Variants in KCNN2 observed in about 807,000 individuals in gnomAD.
KCNN2 encodes small conductance calcium-activated potassium channel protein 2.
In KCNN2, 24 loss-of-function variants were observed where a neutral mutation model predicts 55.5. That is an observed-to-expected ratio of 0.43 (90% CI 0.31 to 0.61). The LOEUF is 0.61. Among genes scored for constraint, KCNN2 ranks in the 20% least tolerant of loss-of-function variants. The pLI is 0.08. For synonymous variants in KCNN2, 431 were observed against 336.1 expected (o/e 1.28, Z -3.09); for missense variants, 754 against 853.6 (o/e 0.88, Z 1.45).
At chr5:114,495,783 C>A (rs1181734542) in intron 7 of KCNN2, 112 bp from the exon 8 acceptor site, 5 of 939,412 alleles carry the variant, frequency 5.3e-6, no homozygotes, top group Non-Finnish European at 8.3e-6. Context: ...TTAGCTGACA[C>A]CCCTGTTACA....
At chr5:114,238,602 G>A (rs13159883) in intron 2 of KCNN2, among the ~76,000 whole-genome samples, 1 of 151,322 alleles carries the variant, frequency 6.6e-6, no homozygotes, top group Non-Finnish European at 1.5e-5. Flanking sequence ...CTCCAGTCTG[G>A]GTGACAGAGT....
At chr5:114,081,286 A>G (rs1454438100) in intron 1 of KCNN2, among the ~76,000 whole-genome samples, 1 of 152,110 alleles carries the variant, frequency 6.6e-6, no homozygotes, top group African/African-American at 2.4e-5. Flanking sequence ...AAACAGAAAA[A>G]CCCATCCTAA....
At chr5:114,140,760 C>CTTATTA (rs1334176906) in intron 1 of KCNN2, among the ~76,000 whole-genome samples, 2 of 125,732 alleles carry the variant, frequency 1.6e-5, no homozygotes, top group East Asian at 2.3e-4. Context: ...TACTGTCATC[C>CTTATTA]TCATTATTAT....
At chr5:114,429,327 G>A (rs1408358597) in intron 3 of KCNN2, among the ~76,000 whole-genome samples, 1 of 151,994 alleles carries the variant, frequency 6.6e-6, no homozygotes, top group Non-Finnish European at 1.5e-5. Flanking sequence ...GAATAGAAAG[G>A]ATCAATTTTG....
At chr5:114,192,592 G>A (rs1448572095) in intron 1 of KCNN2, among the ~76,000 whole-genome samples, 1 of 152,012 alleles carries the variant, frequency 6.6e-6, no homozygotes, top group Non-Finnish European at 1.5e-5. Flanking sequence ...CTTCTGAGAG[G>A]TTCACCAAAA....
At chr5:114,093,869 C>T (rs1191671946) in intron 1 of KCNN2, among the ~76,000 whole-genome samples, 1 of 152,096 alleles carries the variant, frequency 6.6e-6, no homozygotes, top group African/African-American at 2.4e-5. Context: ...TGGGTGGGGA[C>T]ATAAAGCCTA....
chr5:114,215,669 A>G (rs999346422), intron 1 of KCNN2, among the ~76,000 whole-genome samples: 3 of 152,152 alleles, frequency 2.0e-5, no homozygotes, highest in African/African-American at 4.8e-5. Flanking sequence ...TTCTGCATTG[A>G]TTACTCCCTG....
intron 3 of KCNN2, among the ~76,000 whole-genome samples, chr5:114,431,124 C>A (rs574303754): frequency 3.3e-5 from 5 of 152,160 alleles, no homozygotes; most frequent in Admixed American, 2.6e-4. Flanking sequence ...CTTACCCCCC[C>A]ATCCCGGCTT....
rs1761021683 is a variant in KCNN2, at chr5:114,458,320, T to C, written c.1638-4729T>C. 2.0e-5 allele frequency among the ~76,000 whole-genome samples: 3 copies of C among 152,242 alleles called. No individual in the cohort carries two copies. The South Asian group carries it at 6.2e-4, about 32-fold the overall frequency. On this transcript the variant is annotated intron_variant, in intron 3 of 7. Coordinates refer to ENST00000673685, the MANE Select transcript of KCNN2 (RefSeq NM_021614.4). ...ATTAATGAACACAATTTGTTAGCTG[T>C]TAACCTCCACGACTGAATTATTTTT... is the stretch of plus-strand genomic sequence containing the variant.
At chr5:114,479,855 C>CAGA in intron 5 of KCNN2, among the ~76,000 whole-genome samples, 1 of 152,238 alleles carries the variant, frequency 6.6e-6, no homozygotes, top group East Asian at 1.9e-4. Context: ...GGCAACGTAG[C>CAGA]AGAATCTCTG....
intron 2 of KCNN2, among the ~76,000 whole-genome samples, chr5:114,377,403 C>G (rs1207973012): frequency 2.0e-5 from 3 of 152,152 alleles, no homozygotes; most frequent in East Asian, 1.9e-4. Context: ...TAAGCATAAG[C>G]GTAACATTTT....
At chr5:114,296,482 T>G (rs1203037576) in intron 2 of KCNN2, among the ~76,000 whole-genome samples, 1 of 152,254 alleles carries the variant, frequency 6.6e-6, no homozygotes, top group Non-Finnish European at 1.5e-5. Flanking sequence ...TGAGGCTTAA[T>G]TAGTATTTGT....
chr5:114,093,190 C>T (rs1186217564), intron 1 of KCNN2, among the ~76,000 whole-genome samples: 2 of 152,196 alleles, frequency 1.3e-5, no homozygotes, highest in African/African-American at 4.8e-5. Context: ...CTCAAGATCT[C>T]TAGGGCAGAG....
At chr5:114,425,756 A>C (rs1447771073) in intron 3 of KCNN2, among the ~76,000 whole-genome samples, 1 of 152,088 alleles carries the variant, frequency 6.6e-6, no homozygotes, top group Admixed American at 6.5e-5. Context: ...CCAAGTCACC[A>C]CCATTCTCAT....
intron 1 of KCNN2, among the ~76,000 whole-genome samples, chr5:114,112,143 C>T (rs903294355): frequency 1.3e-5 from 2 of 152,120 alleles, no homozygotes; most frequent in Non-Finnish European, 2.9e-5. Flanking sequence ...GAATACAATG[C>T]AGCCATAAAA....
intron 1 of KCNN2, among the ~76,000 whole-genome samples, chr5:114,099,329 A>G (rs1251179394): frequency 1.3e-5 from 2 of 152,170 alleles, no homozygotes; most frequent in African/African-American, 4.8e-5. Context: ...GCTAGAACTG[A>G]AAAGCGTTAC....
chr5:114,436,589 G>T (rs1231683734), intron 3 of KCNN2, among the ~76,000 whole-genome samples: 3 of 152,156 alleles, frequency 2.0e-5, no homozygotes, highest in Non-Finnish European at 4.4e-5. Flanking sequence ...TTGGACGGTT[G>T]TTTGGTTTTT....
At chr5:114,096,120 G>C (rs1751250770) in intron 1 of KCNN2, among the ~76,000 whole-genome samples, 1 of 152,114 alleles carries the variant, frequency 6.6e-6, no homozygotes, top group Non-Finnish European at 1.5e-5. Context: ...CTCAGCAGCA[G>C]TCAAATAGAT....
chr5:114,207,285 C>T (rs1023660493), intron 1 of KCNN2, among the ~76,000 whole-genome samples: 1 of 152,124 alleles, frequency 6.6e-6, no homozygotes, highest in African/African-American at 2.4e-5. Context: ...AAAATAGGTT[C>T]CCAGTGCATT....
Sources: gnomAD v4.1 joint callset for allele counts (sites outside exome capture counted in the v4.1 genomes callset) on GRCh38, gnomAD v4.1.1 for gene constraint, MANE v1.5 for transcripts, NCBI Gene and HGNC (gene_info 2026-07-23, HGNC 2026-07-21) for gene names.